Variants in CEBPZ observed in about 807,000 individuals in gnomAD.
CEBPZ encodes the protein CCAAT/enhancer-binding protein zeta.
CEBPZ carries 78 observed loss-of-function variants against 104.5 expected under a neutral mutation model. The observed-to-expected ratio is 0.75, with a 90% CI of 0.62 to 0.90. The LOEUF (loss-of-function observed/expected upper bound fraction) is 0.90, where lower values mean the gene tolerates loss of function less well. Among genes scored for constraint, CEBPZ ranks in the 40% least tolerant of loss-of-function variants. The pLI is 0.00. For synonymous variants in CEBPZ, 470 were observed against 427.0 expected (o/e 1.10, Z -1.24); for missense variants, 1,439 against 1,233.5 (o/e 1.17, Z -2.50).
Position 37,202,944 on chromosome 2 carries a change from C to T in CEBPZ, c.2943+6G>A, listed in dbSNP as rs746325522. ...CTAGCTTGTTAAAACAGTACATTAG[C>T]CTTACCTCTTCAGCAGATACAAATA... is the stretch of plus-strand genomic sequence containing the variant. On this transcript the variant is annotated splice_donor_region_variant and intron_variant, in intron 14 of 15. Transcript: ENST00000234170. 6 of 1,589,778 alleles carry T rather than the reference C, an allele frequency of 3.8e-6. No homozygotes were observed. The highest frequency in any genetic ancestry group is 5.1e-6 in the Non-Finnish European group (6 of 1,168,862).
chr2:37,222,639 T>A, intron 3 of CEBPZ, 76 bp from the exon 4 acceptor site: 2 of 1,064,646 alleles, frequency 1.9e-6, no homozygotes, highest in Non-Finnish European at 2.6e-6. Flanking sequence ...CATTATGTGA[T>A]GCAGAGTTTT....
At chr2:37,218,803 T>G (rs1026684236) in intron 5 of CEBPZ, among the ~76,000 whole-genome samples, 1 of 151,932 alleles carries the variant, frequency 6.6e-6, no homozygotes, top group African/African-American at 2.4e-5. Flanking sequence ...ACTCAGGAGG[T>G]AGAGGTTGCA....
chr2:37,230,052 A>G (rs1355790730), intron 1 of CEBPZ, among the ~76,000 whole-genome samples: 3 of 152,202 alleles, frequency 2.0e-5, no homozygotes, highest in Non-Finnish European at 4.4e-5. Flanking sequence ...AACACGATTA[A>G]GGTTATTAAC....
In CEBPZ at chr2:37,228,225, T is replaced by G. The variant is rs1488489807; in HGVS notation, c.968A>C (p.Lys323Thr). ...TATCAGTCTTCTATCTCTTGAGTCC[T>G]TGTTGCCACTGGACAACTGTTCCAG... ...DKLEQLSSGNKDSRDRRLILW... is the reference protein window; with the variant it reads ...DKLEQLSSGNTDSRDRRLILW... Residue 323 changes from lysine to threonine, a missense_variant, in exon 2 of 16, where the codon AAG (lysine) becomes ACG (threonine). Lys to Thr is a moderately conservative substitution (Grantham distance 78). Transcript: ENST00000234170. 6.2e-7 allele frequency: 1 copy of G among 1,614,232 alleles called. No individual in the cohort carries two copies. Among genetic ancestry groups the G allele is most frequent in the Admixed American group, 1.7e-5 (1 of 60,030 alleles).
At chr2:37,212,494 T>C in intron 10 of CEBPZ, 102 bp from the exon 11 acceptor site, 1 of 1,006,908 alleles carries the variant, frequency 9.9e-7, no homozygotes, top group Non-Finnish European at 1.5e-6. Flanking sequence ...CTGCTGTTTA[T>C]GACAAGTGAA....
chr2:37,218,068 C>A (rs999802622), intron 5 of CEBPZ, among the ~76,000 whole-genome samples: 5 of 151,474 alleles, frequency 3.3e-5, no homozygotes, highest in African/African-American at 1.2e-4. Flanking sequence ...GAGATCGAGA[C>A]CATCCTGGCT....
intron 15 of CEBPZ, 95 bp downstream of exon 15, chr2:37,202,689 A>AC: frequency 4.0e-6 from 1 of 247,770 alleles, no homozygotes; most frequent in Non-Finnish European, 7.2e-6. Flanking sequence ...AAAAAAAAAA[A>AC]AAAGAATAAA....
chr2:37,220,358 A>AT (rs1465956249), intron 5 of CEBPZ, 27 bp downstream of exon 5: 19 of 1,141,368 alleles, frequency 1.7e-5, no homozygotes, highest in Non-Finnish European at 2.3e-5. Context: ...GCATAAATGA[A>AT]TAAAAGACAA....
Position 37,223,417 on chromosome 2 carries a change from A to T in CEBPZ, c.1650-16T>A. On this transcript the variant is annotated splice_polypyrimidine_tract_variant and intron_variant, in intron 2 of 15. Transcript: ENST00000234170. ...CAACATCTTCCTGCAAAACAAAACC[A>T]AGGTCAAATATTTATGTATAAAACC... The T allele has an allele frequency of 6.2e-7, 1 of 1,603,950 alleles. No individual in the cohort carries two copies. The highest frequency in any genetic ancestry group is 8.5e-7 in the Non-Finnish European group (1 of 1,171,220).
intron 15 of CEBPZ, chr2:37,202,182 T>A: frequency 4.5e-6 from 1 of 224,476 alleles, no homozygotes; most frequent in Non-Finnish European, 8.5e-6. Context: ...CCAGTAACAA[T>A]CAATATGTAA....
intron 1 of CEBPZ, among the ~76,000 whole-genome samples, chr2:37,229,330 C>A (rs1000179814): frequency 2.0e-5 from 3 of 151,950 alleles, no homozygotes; most frequent in Non-Finnish European, 4.4e-5. Flanking sequence ...TGGGTTTAAT[C>A]CCTTAATATA....
intron 10 of CEBPZ, 59 bp from the exon 11 acceptor site, chr2:37,212,451 T>C: frequency 1.5e-6 from 2 of 1,365,062 alleles, no homozygotes; most frequent in Non-Finnish European, 2.1e-6. Context: ...GACATATATC[T>C]TGTATCTGAA....
At position 37,231,548 on chromosome 2, in the gene CEBPZ, G is replaced by T. The variant is rs565707666; in HGVS notation, c.20C>A (p.Pro7His). 7.4e-6 allele frequency: 12 copies of T among 1,614,226 alleles called. No homozygotes were observed. The South Asian group carries it at 1.2e-4, about 16-fold the overall frequency. MAAVKE[P>H]LEFHAKRPWR... ...AGGCCGCTTGGCATGGAACTCCAAA[G>T]GCTCCTTGACTGCGGCCATGGCGGG... Residue 7 changes from proline to histidine, a missense_variant, in exon 1 of 16, where the codon CCT (proline) becomes CAT (histidine). Physicochemically the swap from Pro to His is moderately conservative, Grantham distance 77. Coordinates refer to ENST00000234170, the MANE Select transcript of CEBPZ (RefSeq NM_005760.3).
chr2:37,201,868 C>T lies in CEBPZ; in HGVS notation c.3061G>A (p.Asp1021Asn). 6.2e-7 allele frequency: 1 copy of T among 1,613,748 alleles called. No individual in the cohort carries two copies. Among genetic ancestry groups the T allele is most frequent in the Non-Finnish European group, 8.5e-7 (1 of 1,179,856 alleles). ...KQLRWEAERD[D>N]WLHNRDAKSI... ...TTTGCATCTCTGTTGTGTAGCCAGT[C>T]ATCACGTTCAGCCTCCCATCTAAGC... Residue 1021 changes from aspartate (D) to asparagine (N), a missense_variant, in exon 16 of 16, where the codon GAC becomes AAC. Transcript: ENST00000234170.
chr2:37,221,139 T>A (rs1038821144), intron 4 of CEBPZ, among the ~76,000 whole-genome samples: 2 of 151,082 alleles, frequency 1.3e-5, no homozygotes, highest in Non-Finnish European at 2.9e-5. Flanking sequence ...GTGCACAGAG[T>A]GGGATTTCGT....
chr2:37,212,647 A>T, intron 10 of CEBPZ: 1 of 501,104 alleles, frequency 2.0e-6, no homozygotes, highest in Non-Finnish European at 3.5e-6. Flanking sequence ...TTATGGAAAG[A>T]GGATAAATAT....
chr2:37,213,761 TAA>T (rs1402349830), intron 10 of CEBPZ, 101 bp downstream of exon 10: 1 of 730,978 alleles, frequency 1.4e-6, no homozygotes, highest in African/African-American at 1.9e-5. Context: ...TATTCTTAGC[TAA>T]GTGATTTTTT....
At chr2:37,229,896 G>A (rs1241818661) in intron 1 of CEBPZ, among the ~76,000 whole-genome samples, 2 of 151,934 alleles carry the variant, frequency 1.3e-5, no homozygotes, top group Non-Finnish European at 2.9e-5. Context: ...GTCTCCTTAT[G>A]TTGCCCAGGC....
At chr2:37,218,039 G>C (rs190309054) in intron 5 of CEBPZ, among the ~76,000 whole-genome samples, 1 of 151,448 alleles carries the variant, frequency 6.6e-6, no homozygotes, top group African/African-American at 2.4e-5. Flanking sequence ...AGGCCGAGGC[G>C]GGCGGATCAC....
Sources: allele counts gnomAD v4.1 joint callset (sites outside exome capture counted in the v4.1 genomes callset), GRCh38; gene constraint gnomAD v4.1.1; transcripts MANE v1.5; gene names NCBI Gene and HGNC (gene_info 2026-07-23, HGNC 2026-07-21).